DHX57: variants seen among roughly 807,000 people sequenced by gnomAD.
The protein encoded by DHX57 is putative ATP-dependent RNA helicase DHX57.
In DHX57, 105 loss-of-function variants were observed where a neutral mutation model predicts 156.2. The ratio of observed to expected loss-of-function variants is 0.67; its 90% CI spans 0.57 to 0.79. DHX57 has a LOEUF of 0.79. Ranked by LOEUF, DHX57 falls within the 30% of genes least tolerant of loss-of-function variation. The pLI is 0.00. For synonymous variants in DHX57, 704 were observed against 595.6 expected, an observed-to-expected ratio of 1.18 and a Z score of -2.65; for missense variants, 1,847 against 1,661.9, an observed-to-expected ratio of 1.11 and a Z score of -1.94.
intron 9 of DHX57, 79 bp downstream of exon 9, chr2:38,853,975 T>C (rs1289165929): frequency 6.4e-6 from 9 of 1,407,656 alleles, no homozygotes; most frequent in South Asian, 5.8e-5. Flanking sequence ...TGAAACTGAA[T>C]TGGAACTAGA....
intron 9 of DHX57, 79 bp downstream of exon 9, chr2:38,853,975 T>A: frequency 1.4e-6 from 2 of 1,407,774 alleles, no homozygotes; most frequent in Non-Finnish European, 1.9e-6. Context: ...TGAAACTGAA[T>A]TGGAACTAGA....
intron 2 of DHX57, among the ~76,000 whole-genome samples, chr2:38,864,398 T>C (rs938924954): frequency 1.3e-5 from 2 of 151,612 alleles, no homozygotes; most frequent in Non-Finnish European, 2.9e-5. Flanking sequence ...AAAAAAGAAA[T>C]AAAAAAATTA....
chr2:38,852,734 C>G (rs1377659510), intron 9 of DHX57, among the ~76,000 whole-genome samples: 1 of 152,038 alleles, frequency 6.6e-6, no homozygotes. Flanking sequence ...CCTGCCTCAG[C>G]CTCCTCAGTA....
At chr2:38,819,013 T>C (rs1484105645) in intron 18 of DHX57, 36 bp downstream of exon 18, 1 of 1,614,054 alleles carries the variant, frequency 6.2e-7, no homozygotes, top group Non-Finnish European at 8.5e-7. Context: ...GTGCCAACAC[T>C]GGTAATAAAA....
chr2:38,819,248 C>G, intron 17 of DHX57, 104 bp from the exon 18 acceptor site: 2 of 996,818 alleles, frequency 2.0e-6, no homozygotes, highest in Non-Finnish European at 3.1e-6. Context: ...GATCATAGCC[C>G]ACTGCAACCT....
intron 2 of DHX57, among the ~76,000 whole-genome samples, chr2:38,867,974 G>A (rs1558408072): frequency 6.6e-6 from 1 of 152,084 alleles, no homozygotes; most frequent in Admixed American, 6.6e-5. Flanking sequence ...GGGTATAATA[G>A]CAGTATTACA....
chr2:38,863,131 G>A (rs1361530971), intron 3 of DHX57: 1 of 466,196 alleles, frequency 2.1e-6, no homozygotes, highest in East Asian at 3.7e-5. Context: ...TATGAGCACT[G>A]CCCTGGAAAA....
intron 21 of DHX57, among the ~76,000 whole-genome samples, chr2:38,807,502 C>G (rs375134780): frequency 6.6e-6 from 1 of 151,628 alleles, no homozygotes; most frequent in Non-Finnish European, 1.5e-5. Context: ...GGACTACAGG[C>G]GCCCGCCGCC....
At chr2:38,829,337 A>G (rs1337459857) in intron 13 of DHX57, among the ~76,000 whole-genome samples, 8 of 149,716 alleles carry the variant, frequency 5.3e-5, no homozygotes, top group African/African-American at 2.0e-4. Context: ...GCTGAAGTGC[A>G]ATGATGTGAT....
At position 38,798,460 on chromosome 2, in the gene DHX57, A is replaced by G. The variant is rs377415197; in HGVS notation, c.4018-18T>C. The stretch of plus-strand genomic sequence containing the variant: ...TCAGCCACCTAAAATGAAAGCTACA[A>G]TATAAGCAGTGCTTGGAGGAACAGG... On this transcript the variant is annotated intron_variant, in intron 23 of 23. Transcript: ENST00000457308. The G allele has an allele frequency of 4.4e-6, 7 of 1,602,898 alleles. No individual in the cohort carries two copies. The East Asian group carries it at 8.9e-5, about 20-fold the overall frequency.
At chr2:38,862,495 T>G in intron 3 of DHX57, 162 bp from the exon 4 acceptor site, 1 of 639,378 alleles carries the variant, frequency 1.6e-6, no homozygotes, top group South Asian at 5.2e-5. Context: ...GCAATTAACA[T>G]TTACCAGGCA....
At chr2:38,806,206 GC>G (rs1358990816) in intron 22 of DHX57, among the ~76,000 whole-genome samples, 2 of 152,154 alleles carry the variant, frequency 1.3e-5, no homozygotes, top group Admixed American at 6.6e-5. Context: ...AGCCTCAGTG[GC>G]AGGCTGAGAG....
intron 20 of DHX57, 145 bp downstream of exon 20, chr2:38,815,376 A>T (rs1670482830): frequency 9.1e-7 from 1 of 1,102,278 alleles, no homozygotes; most frequent in African/African-American, 1.6e-5. Context: ...GCTGATATTT[A>T]TTTGTGCGAA....
chr2:38,822,993 A>T lies in DHX57; in HGVS notation c.3291T>A (p.Phe1097Leu), dbSNP rs149658996. 313 of 1,613,848 alleles carry T rather than the reference A, an allele frequency of 1.9e-4. 2 individuals are homozygous for T. In the African/African-American group the frequency reaches 3.8e-3, roughly 20 times the overall value. Residue 1097 changes from phenylalanine (F) to leucine (L), a missense_variant and splice_region_variant, in exon 17 of 24, where the codon TTT becomes TTA. Transcript: ENST00000457308. The part of the protein sequence containing the change: ...IAASLAFKSP[F>L]VSPWDKKEEA... ...GTTTAGATGAATGTTGTTTACTTAC[A>T]AACGGAGACTTAAAAGCCAAACTGG... is the stretch of plus-strand genomic sequence containing the variant.
intron 9 of DHX57, among the ~76,000 whole-genome samples, chr2:38,849,439 C>T (rs531932306): frequency 1.3e-5 from 2 of 152,048 alleles, no homozygotes; most frequent in African/African-American, 4.8e-5. Context: ...TGACGGGGTG[C>T]GGTGGCTCAC....
At chr2:38,807,187 T>C (rs1669989710) in intron 21 of DHX57, among the ~76,000 whole-genome samples, 1 of 151,942 alleles carries the variant, frequency 6.6e-6, no homozygotes, top group African/African-American at 2.4e-5. Flanking sequence ...CCCAAGTAGC[T>C]GGGATTACAA....
chr2:38,870,481 C>A (rs1217253199), intron 1 of DHX57, among the ~76,000 whole-genome samples: 2 of 152,186 alleles, frequency 1.3e-5, no homozygotes, highest in Non-Finnish European at 2.9e-5. Flanking sequence ...AAGAGAAAAA[C>A]AACTTATCAC....
intron 23 of DHX57, among the ~76,000 whole-genome samples, chr2:38,800,992 A>G (rs1669654124): frequency 6.6e-6 from 1 of 152,212 alleles, no homozygotes; most frequent in African/African-American, 2.4e-5. Flanking sequence ...TTAAAATTAA[A>G]ACATTTTGGA....
intron 1 of DHX57, among the ~76,000 whole-genome samples, chr2:38,872,807 T>C (rs1665413453): frequency 6.6e-6 from 1 of 152,152 alleles, no homozygotes; most frequent in Non-Finnish European, 1.5e-5. Context: ...TCACTTTTAA[T>C]GGTAGAACAA....
Sources: allele counts gnomAD v4.1 joint callset (sites outside exome capture counted in the v4.1 genomes callset), GRCh38; gene constraint gnomAD v4.1.1; transcripts MANE v1.5; gene names NCBI Gene and HGNC (gene_info 2026-07-23, HGNC 2026-07-21).